RNF170: variants seen among roughly 807,000 people sequenced by gnomAD.
RNF170 encodes E3 ubiquitin-protein ligase RNF170.
RNF170 carries 12 observed loss-of-function variants against 32.7 expected under a neutral mutation model. The observed-to-expected ratio is 0.37, with a 90% CI of 0.24 to 0.60. The LOEUF (loss-of-function observed/expected upper bound fraction) is 0.60, where lower values mean the gene tolerates loss of function less well. RNF170 is among the 20% of genes least tolerant of loss of function. RNF170 has a pLI of 0.72. For synonymous variants in RNF170, 91 were observed against 103.6 expected (o/e 0.88, Z 0.74); for missense variants, 212 against 311.2 (o/e 0.68, Z 2.40).
chr8:42,890,209 TATATATA>T (rs541377615), intron 1 of RNF170, among the ~76,000 whole-genome samples: 80 of 149,778 alleles, frequency 5.3e-4, no homozygotes, highest in Non-Finnish European at 8.9e-4. Flanking sequence ...CTGTACAACA[TATATATA>T]ATATATATTA....
intron 2 of RNF170, among the ~76,000 whole-genome samples, chr8:42,874,549 C>G (rs1250342287): frequency 6.6e-6 from 1 of 151,682 alleles, no homozygotes; most frequent in East Asian, 2.0e-4. Flanking sequence ...TGAGACCAGC[C>G]TGGCCAACAT....
At chr8:42,891,941 C>T (rs909977498) in intron 1 of RNF170, among the ~76,000 whole-genome samples, 3 of 152,194 alleles carry the variant, frequency 2.0e-5, no homozygotes, top group African/African-American at 7.2e-5. Flanking sequence ...GTATGAATTA[C>T]TTTAACAAGA....
intron 5 of RNF170, among the ~76,000 whole-genome samples, chr8:42,863,607 A>T (rs948209605): frequency 6.6e-6 from 1 of 152,104 alleles, no homozygotes; most frequent in Admixed American, 6.6e-5. Flanking sequence ...ATGCGCAGCT[A>T]ATTTTTGTAT....
intron 6 of RNF170, among the ~76,000 whole-genome samples, chr8:42,858,232 GT>G (rs567650182): frequency 0.047 from 6,951 of 147,598 alleles, 329 homozygotes; most frequent in African/African-American, 0.12. Context: ...ATTGGATTAA[GT>G]TTTTTTTTTT....
chr8:42,884,401 T>C (rs1044270474), intron 2 of RNF170, among the ~76,000 whole-genome samples: 3 of 152,074 alleles, frequency 2.0e-5, no homozygotes, highest in African/African-American at 7.2e-5. Context: ...TTTTTTTTTC[T>C]ATTGCTGCTG....
downstream of RNF170, chr8:42,850,774 G>A (rs902128471): frequency 7.1e-6 from 11 of 1,551,516 alleles, no homozygotes; most frequent in Non-Finnish European, 7.0e-6. Flanking sequence ...TGGGTAGTCT[G>A]AGTGAGGAGG....
At chr8:42,892,847 C>T (rs1277048801) in intron 1 of RNF170, among the ~76,000 whole-genome samples, 3 of 151,930 alleles carry the variant, frequency 2.0e-5, no homozygotes, top group Non-Finnish European at 2.9e-5. Context: ...ATTAGCCAGA[C>T]GTGGTGGCAC....
chr8:42,854,505 T>C lies in RNF170; in HGVS notation c.*1654A>G. ...GTATGTGAGAAACCTGCTTTAATTA[T>C]AATGTGCTATGTTTAAGCATTATTG... On this transcript the variant is annotated 3_prime_UTR_variant, in exon 7 of 7. Transcript: ENST00000527424. 7.8e-7 allele frequency: 1 copy of C among 1,286,736 alleles called. No individual in the cohort carries two copies. The highest frequency in any genetic ancestry group is 1.0e-6 in the Non-Finnish European group (1 of 988,218). 79.7% of individuals were successfully genotyped at this position (1,286,736 alleles called of 1,614,324 possible).
chr8:42,849,791 C>G (rs1802896560), downstream of RNF170: 1 of 152,196 alleles, frequency 6.6e-6, no homozygotes, highest in African/African-American at 2.4e-5. Context: ...ATATTGTTTT[C>G]TCATTCATTG....
intron 5 of RNF170, among the ~76,000 whole-genome samples, chr8:42,864,982 C>G (rs906626615): frequency 2.7e-5 from 4 of 150,314 alleles, no homozygotes; most frequent in Admixed American, 2.7e-4. Context: ...GTGGGCTGGG[C>G]GTGGTATCTC....
chr8:42,882,402 T>C (rs1425410075), intron 2 of RNF170, among the ~76,000 whole-genome samples: 1 of 152,174 alleles, frequency 6.6e-6, no homozygotes, highest in East Asian at 1.9e-4. Flanking sequence ...TTTTAATATT[T>C]CTTAGAGACA....
downstream of RNF170, chr8:42,853,219 T>C (rs1295231771): frequency 1.9e-6 from 1 of 518,596 alleles, no homozygotes; most frequent in Non-Finnish European, 2.9e-6. Context: ...ATAAAGCCGT[T>C]GCAACCATTA....
At chr8:42,858,580 A>G (rs571553877) in intron 6 of RNF170, among the ~76,000 whole-genome samples, 2 of 152,218 alleles carry the variant, frequency 1.3e-5, no homozygotes, top group African/African-American at 2.4e-5. Context: ...AGTGCTGTCT[A>G]TGATAAACGC....
Position 42,886,365 on chromosome 8 carries a change from T to C in RNF170, c.137+1363A>G, listed in dbSNP as rs575179905. Among the ~76,000 whole-genome samples the C allele has an allele frequency of 3.3e-5, 5 of 152,354 alleles. No homozygotes were observed. In the East Asian group the frequency reaches 9.6e-4, roughly 29 times the overall value. ...CTGCTTAGTGGAGTTCACTTAACTC[T>C]GCTATCATCTAGTCATTATTTCCCC... On this transcript the variant is annotated intron_variant, in intron 2 of 6. Transcript: ENST00000527424.
At chr8:42,890,932 T>C (rs534012433) in intron 1 of RNF170, among the ~76,000 whole-genome samples, 6 of 152,302 alleles carry the variant, frequency 3.9e-5, no homozygotes, top group African/African-American at 1.4e-4. Context: ...AAGAGGCTGG[T>C]CTGATTTATA....
downstream of RNF170, among the ~76,000 whole-genome samples, chr8:42,851,163 A>G (rs902864693): frequency 3.3e-5 from 5 of 152,190 alleles, no homozygotes; most frequent in African/African-American, 1.2e-4. Context: ...GCTCCTGGAC[A>G]CACAGAACTC....
intron 2 of RNF170, 31 bp downstream of exon 2, chr8:42,887,697 T>A: frequency 6.2e-7 from 1 of 1,612,092 alleles, no homozygotes; most frequent in Admixed American, 1.7e-5. Flanking sequence ...CCCTTGCAAA[T>A]CTACTCAATT....
At chr8:42,879,365 T>G (rs955244393) in intron 2 of RNF170, among the ~76,000 whole-genome samples, 7 of 152,180 alleles carry the variant, frequency 4.6e-5, no homozygotes, top group Non-Finnish European at 1.0e-4. Context: ...GAACATTCTT[T>G]TTTTTGGCCA....
chr8:42,895,815 T>C (rs1202267626), intron 1 of RNF170, among the ~76,000 whole-genome samples: 1 of 152,080 alleles, frequency 6.6e-6, no homozygotes, highest in East Asian at 1.9e-4. Context: ...CATGCACACA[T>C]AGATGGTAAA....
Sources: allele counts gnomAD v4.1 joint callset (sites outside exome capture counted in the v4.1 genomes callset), GRCh38; gene constraint gnomAD v4.1.1; transcripts MANE v1.5; gene names NCBI Gene and HGNC (gene_info 2026-07-23, HGNC 2026-07-21).